Variants in ZMYND11 observed in about 807,000 individuals in gnomAD.
ZMYND11 encodes the protein zinc finger MYND domain-containing protein 11.
Under a neutral mutation model 84.9 loss-of-function variants are expected in ZMYND11, and 9 were observed. That is an observed-to-expected ratio of 0.11 (90% CI 0.06 to 0.18). ZMYND11 has a LOEUF of 0.18. ZMYND11 is among the 10% of genes least tolerant of loss of function. The pLI is 1.00. For synonymous variants in ZMYND11, 250 were observed against 244.1 expected (o/e 1.02, Z -0.23); for missense variants, 409 against 761.0 (o/e 0.54, Z 5.44).
At chr10:188,817 T>A (rs1342482117) in intron 2 of ZMYND11, among the ~76,000 whole-genome samples, 2 of 152,196 alleles carry the variant, frequency 1.3e-5, no homozygotes, top group Admixed American at 1.3e-4. Flanking sequence ...TTTAAAGACA[T>A]ACTGTTGAAA....
intron 4 of ZMYND11, among the ~76,000 whole-genome samples, chr10:228,103 T>TC (rs1948430483): frequency 6.6e-6 from 1 of 152,040 alleles, no homozygotes; most frequent in Admixed American, 6.6e-5. Flanking sequence ...GAGGAAAAAA[T>TC]AATGGGAACA....
At chr10:178,795 T>C (rs1847216383) in intron 1 of ZMYND11, among the ~76,000 whole-genome samples, 1 of 152,178 alleles carries the variant, frequency 6.6e-6, no homozygotes, top group South Asian at 2.1e-4. Flanking sequence ...CTGAAAGACA[T>C]CTTATTTTAG....
chr10:144,549 T>C (rs1838259368), intron 1 of ZMYND11, among the ~76,000 whole-genome samples: 1 of 151,842 alleles, frequency 6.6e-6, no homozygotes, highest in African/African-American at 2.4e-5. Flanking sequence ...TGTTTAGAAT[T>C]TTAGATGACA....
intron 1 of ZMYND11, among the ~76,000 whole-genome samples, chr10:167,405 T>C (rs1432462677): frequency 6.6e-6 from 1 of 152,168 alleles, no homozygotes; most frequent in Non-Finnish European, 1.5e-5. Context: ...CATTTTGTTT[T>C]ATAAACTGTT....
chr10:248,026 TTC>T (rs1306499039), intron 12 of ZMYND11, among the ~76,000 whole-genome samples: 1 of 152,210 alleles, frequency 6.6e-6, no homozygotes, highest in Non-Finnish European at 1.5e-5. Context: ...TTCTATAAAT[TTC>T]TGTGTTTAGT....
chr10:160,350 A>C (rs1842686318), intron 1 of ZMYND11, among the ~76,000 whole-genome samples: 1 of 152,242 alleles, frequency 6.6e-6, no homozygotes, highest in South Asian at 2.1e-4. Flanking sequence ...AAATGTTAAC[A>C]ATCATCTGAG....
intron 2 of ZMYND11, among the ~76,000 whole-genome samples, chr10:209,531 G>T (rs1015635727): frequency 2.0e-5 from 3 of 152,190 alleles, no homozygotes; most frequent in African/African-American, 7.2e-5. Flanking sequence ...AGAATCTGTA[G>T]AGTAGAAGTT....
chr10:217,199 C>G (rs775972516), intron 3 of ZMYND11, among the ~76,000 whole-genome samples: 3 of 152,154 alleles, frequency 2.0e-5, no homozygotes, highest in Non-Finnish European at 2.9e-5. Flanking sequence ...TCGGTTTGGT[C>G]TCTAAGTCAG....
chr10:246,460 G>A (rs757380928), intron 10 of ZMYND11, among the ~76,000 whole-genome samples: 3 of 152,298 alleles, frequency 2.0e-5, no homozygotes, highest in Middle Eastern at 3.4e-3. Context: ...ATTGAATTGT[G>A]AACAATTGGG....
chr10:225,584 G>C lies in ZMYND11; in HGVS notation c.438+4228G>C, dbSNP rs532455440. On this transcript the variant is annotated intron_variant, in intron 4 of 14. Transcript: ENST00000381604. ...GCTGATCTTGAATTCCAGAGTTCGA[G>C]TGACCCTCCTGCCTTGGCCTCCCAA... Among the ~76,000 whole-genome samples, 10 of 152,286 alleles carry C rather than the reference G, an allele frequency of 6.6e-5. No homozygotes were observed. In the East Asian group the frequency reaches 1.7e-3, roughly 26 times the overall value.
chr10:140,931 A>G (rs968166129), intron 1 of ZMYND11, among the ~76,000 whole-genome samples: 2 of 152,242 alleles, frequency 1.3e-5, no homozygotes, highest in Non-Finnish European at 2.9e-5. Context: ...CTAAAGAAGT[A>G]GAAATGACAA....
chr10:247,050 G>C, intron 11 of ZMYND11, 77 bp downstream of exon 11: 1 of 1,370,928 alleles, frequency 7.3e-7, no homozygotes. Context: ...ACTCCTCACT[G>C]TAATGAACAG....
upstream of ZMYND11, chr10:134,965 G>C (rs1213805072): frequency 1.3e-5 from 2 of 149,678 alleles, no homozygotes; most frequent in African/African-American, 2.4e-5. Context: ...GCGCAAGTCC[G>C]GCGCCAGCCG....
intron 4 of ZMYND11, among the ~76,000 whole-genome samples, chr10:231,292 A>T (rs4880983): frequency 2.0e-5 from 3 of 152,052 alleles, no homozygotes; most frequent in African/African-American, 7.2e-5. Context: ...CGCCCAAGAA[A>T]GTTTGAAGCC....
At chr10:241,889 C>T (rs929052641) in intron 9 of ZMYND11, 132 bp from the exon 10 acceptor site, 11 of 1,121,116 alleles carry the variant, frequency 9.8e-6, no homozygotes, top group Admixed American at 7.1e-5. Flanking sequence ...AAAAAAATCT[C>T]GTATGTGTTT....
chr10:132,592 A>G (rs545916965), upstream of ZMYND11, among the ~76,000 whole-genome samples: 3 of 152,206 alleles, frequency 2.0e-5, no homozygotes, highest in Admixed American at 2.0e-4. Flanking sequence ...AGCAGTCCAC[A>G]CTTTATTACA....
upstream of ZMYND11, among the ~76,000 whole-genome samples, chr10:131,684 C>A (rs1554749965): frequency 6.6e-6 from 1 of 152,016 alleles, no homozygotes; most frequent in African/African-American, 2.4e-5. Context: ...GCCACCACAT[C>A]TGGCTATTTT....
chr10:204,313 T>C (rs918565795), intron 2 of ZMYND11, among the ~76,000 whole-genome samples: 5 of 152,204 alleles, frequency 3.3e-5, no homozygotes, highest in Non-Finnish European at 7.4e-5. Context: ...TTTGCATCAG[T>C]AGAATTTCAG....
At chr10:214,057 TCC>T (rs936046200) in intron 3 of ZMYND11, among the ~76,000 whole-genome samples, 1 of 152,130 alleles carries the variant, frequency 6.6e-6, no homozygotes, top group African/African-American at 2.4e-5. Flanking sequence ...GTGCTGAGAT[TCC>T]TTCTTTTGGA....
Sources: gnomAD v4.1 joint callset for allele counts (sites outside exome capture counted in the v4.1 genomes callset) on GRCh38, gnomAD v4.1.1 for gene constraint, MANE v1.5 for transcripts, NCBI Gene and HGNC (gene_info 2026-07-23, HGNC 2026-07-21) for gene names.